Variants in LSP1 observed in about 807,000 individuals in gnomAD.
LSP1 encodes lymphocyte-specific protein 1.
A neutral mutation model predicts 49.3 loss-of-function variants in LSP1; 32 were observed. The ratio of observed to expected loss-of-function variants is 0.65; its 90% CI spans 0.49 to 0.87. LSP1 has a LOEUF of 0.87. LSP1 is among the 40% of genes least tolerant of loss of function. The pLI, the probability that LSP1 is intolerant of heterozygous loss-of-function variation, is 0.00. For synonymous variants in LSP1, 179 were observed against 178.8 expected (o/e 1.00, Z -0.01); for missense variants, 428 against 442.6 (o/e 0.97, Z 0.30).
At chr11:1,856,526 C>T (rs933770032) in intron 1 of LSP1, among the ~76,000 whole-genome samples, 7 of 152,360 alleles carry the variant, frequency 4.6e-5, no homozygotes, top group South Asian at 2.1e-4. Flanking sequence ...CCTGGAGCCC[C>T]GCCTGGCCCA....
In LSP1 at chr11:1,883,460, T is replaced by A. The variant is rs1340203839; in HGVS notation, c.398T>A (p.Val133Asp). 4 of 1,614,052 alleles carry A rather than the reference T, an allele frequency of 2.5e-6. No individual in the cohort carries two copies. The highest frequency in any genetic ancestry group is 4.5e-5 in the East Asian group (2 of 44,886). The change falls in exon 4 of 11, where the codon GTC (valine) becomes GAC (aspartate). Residue 133 changes from valine (V) to aspartate (D), a missense_variant. By Grantham distance (152) the Val-to-Asp change is radical. Transcript: ENST00000311604. ...TACGAAAAGGAGGACAGTGATGAAGTCCACCTGGAGGAGTTGAGTCTGAGC... is the reference window on the plus strand; with the variant it reads ...TACGAAAAGGAGGACAGTGATGAAGACCACCTGGAGGAGTTGAGTCTGAGC... ...HAYEKEDSDEVHLEELSLSKE... is the reference protein window; with the variant it reads ...HAYEKEDSDEDHLEELSLSKE...
chr11:1,875,879 C>T (rs985619897), intron 1 of LSP1, among the ~76,000 whole-genome samples: 3 of 152,328 alleles, frequency 2.0e-5, no homozygotes, highest in African/African-American at 4.8e-5. Flanking sequence ...CTCCCAGCTG[C>T]GTCCCCAGCT....
chr11:1,876,834 G>A (rs1240839770), intron 1 of LSP1, among the ~76,000 whole-genome samples: 1 of 152,154 alleles, frequency 6.6e-6, no homozygotes, highest in South Asian at 2.1e-4. Context: ...CACTCCGAAC[G>A]AGGCATCCGT....
In LSP1 at chr11:1,884,009, G is replaced by A. The variant is rs781389105; in HGVS notation, c.576G>A (p.Leu192=). The A allele has an allele frequency of 3.1e-6, 5 of 1,612,066 alleles. No homozygotes were observed. In the South Asian group the frequency reaches 5.5e-5, roughly 18 times the overall value. ...EGTIEQSSPP[L]SPTTKLIDRT... ...CCATCGAACAGAGCTCGCCTCCCCT[G>A]AGCCCTACCACCAAAGTAAGTTAAG... The change falls in exon 5 of 11, where the codon CTG becomes CTA. Residue 192 remains leucine (L), a synonymous_variant. Coordinates refer to ENST00000311604, the MANE Select transcript of LSP1 (RefSeq NM_002339.3). This position sits in a 1 kb window ranked among gnomAD's most constrained non-coding sequence, Gnocchi z 4.1.
chr11:1,858,681 G>A (rs1167459004), intron 1 of LSP1, among the ~76,000 whole-genome samples: 2 of 152,230 alleles, frequency 1.3e-5, no homozygotes, highest in Non-Finnish European at 2.9e-5. Flanking sequence ...CAGCCCAGCA[G>A]GGCCCCTTCC....
rs1448500435 is a variant in LSP1, at chr11:1,881,570, G to A, written c.330G>A (p.Arg110=). 2.0e-6 allele frequency: 3 copies of A among 1,526,580 alleles called. No homozygotes were observed. The highest frequency in any genetic ancestry group is 2.6e-6 in the Non-Finnish European group (3 of 1,134,192). The allele number at this position is 1,526,580 out of a possible 1,614,324, so 94.6% of individuals were successfully genotyped here. A position where few individuals can be genotyped will look rare whatever the true frequency, so the allele number is the denominator to read the frequency against. The part of the protein sequence containing the change: ...ALDSGEPPQC[R]SPEGEQEDRP... ...ACAGCGGAGAGCCCCCCCAGTGCAG[G>A]AGTCCTGAGGGGGAGCAAGAGGACA... is the stretch of plus-strand genomic sequence containing the variant. Residue 110 remains arginine, a synonymous_variant, in exon 3 of 11, where the codon AGG becomes AGA. Transcript: ENST00000311604.
At chr11:1,881,875 G>T (rs562198148) in intron 3 of LSP1, among the ~76,000 whole-genome samples, 2 of 152,154 alleles carry the variant, frequency 1.3e-5, no homozygotes, top group Non-Finnish European at 1.5e-5. Flanking sequence ...CCGGCGAGGG[G>T]CCGCGAGGAA....
At chr11:1,878,445 T>C (rs1848401282) in intron 1 of LSP1, among the ~76,000 whole-genome samples, 1 of 152,040 alleles carries the variant, frequency 6.6e-6, no homozygotes, top group Non-Finnish European at 1.5e-5. Context: ...TTGAAGGCAC[T>C]TCTGAGGAGC....
chr11:1,877,014 C>T (rs1444461528), intron 1 of LSP1, among the ~76,000 whole-genome samples: 1 of 152,196 alleles, frequency 6.6e-6, no homozygotes, highest in East Asian at 1.9e-4. Flanking sequence ...CACAGGAAAT[C>T]GCCTAATTGC....
intron 1 of LSP1, among the ~76,000 whole-genome samples, chr11:1,854,087 G>C (rs1847428314): frequency 6.6e-6 from 1 of 152,186 alleles, no homozygotes; most frequent in South Asian, 2.1e-4. Flanking sequence ...AGGGCTCAGG[G>C]CGTGCGGTGC....
intron 10 of LSP1, chr11:1,889,822 G>A: frequency 1.6e-6 from 1 of 635,388 alleles, no homozygotes; most frequent in Non-Finnish European, 2.9e-6. Flanking sequence ...ACTGAGGCCT[G>A]GAAGCCGGGT....
intron 1 of LSP1, chr11:1,866,395 G>A: frequency 7.8e-7 from 1 of 1,276,714 alleles, no homozygotes; most frequent in Non-Finnish European, 1.1e-6. Flanking sequence ...TGAGCTAAGT[G>A]GGGTCTGAGG....
rs371099100 is a variant in LSP1 at position 1,853,774 on chromosome 11, T to C, written c.53+577T>C. On this transcript the variant is annotated intron_variant, in intron 1 of 10. Coordinates refer to ENST00000311604, the MANE Select transcript of LSP1 (RefSeq NM_002339.3). ...CAAGGATTCTGGCAGGTGCCTGTGC[T>C]GGGTGCCAGGCACCGTGTGTTGGTT... 4.2e-4 allele frequency among the ~76,000 whole-genome samples: 64 copies of C among 152,278 alleles called. 1 individual carries two copies. The East Asian group carries it at 0.01, about 24-fold the overall frequency.
intron 1 of LSP1, among the ~76,000 whole-genome samples, chr11:1,876,813 T>C (rs1023866992): frequency 1.3e-5 from 2 of 152,068 alleles, no homozygotes; most frequent in Non-Finnish European, 2.9e-5. Context: ...AGACCTGAGC[T>C]TGGGGAGCTC....
intron 10 of LSP1, chr11:1,889,604 G>A (rs1260407649): frequency 6.5e-6 from 4 of 616,592 alleles, no homozygotes; most frequent in Admixed American, 2.9e-5. Context: ...TGGGGACAGG[G>A]CATGGGTGAG....
chr11:1,858,766 A>G (rs1847551298), intron 1 of LSP1, among the ~76,000 whole-genome samples: 1 of 152,122 alleles, frequency 6.6e-6, no homozygotes, highest in South Asian at 2.1e-4. Flanking sequence ...AAGAGGTTGG[A>G]GGGGCTGCAT....
intron 1 of LSP1, among the ~76,000 whole-genome samples, chr11:1,878,350 G>A (rs1197666534): frequency 6.6e-6 from 1 of 152,248 alleles, no homozygotes; most frequent in Non-Finnish European, 1.5e-5. Context: ...TGCGGAGGCC[G>A]GCAGAAGCGG....
Position 1,884,681 on chromosome 11 carries a change from C to T in LSP1, c.717+100C>T. 1.1e-6 allele frequency: 1 copy of T among 939,804 alleles called. No homozygotes were observed. Among genetic ancestry groups the T allele is most frequent in the South Asian group, 1.5e-5 (1 of 68,834 alleles). 58.2% of individuals were successfully genotyped at this position (939,804 alleles called of 1,614,324 possible). A position where few individuals can be genotyped will look rare whatever the true frequency, so the allele number is the denominator to read the frequency against. On this transcript the variant is annotated intron_variant, in intron 7 of 10. Coordinates refer to ENST00000311604, the MANE Select transcript of LSP1 (RefSeq NM_002339.3). The surrounding 1 kb of genome is among the most constrained non-coding windows in gnomAD (Gnocchi z 4.1). ...TCCATCCAATCAGTGCCGCCTTATT[C>T]AACCAACACCCTATCCAACCAATGC... is the stretch of plus-strand genomic sequence containing the variant.
chr11:1,884,257 G>A lies in LSP1; in HGVS notation c.592-23G>A, dbSNP rs1357646763. ...GCTTTACCTCGGCTGCTGCAGGCCT[G>A]TGTCTCTCTCCACCCTCTGCAGCTC... On this transcript the variant is annotated intron_variant, in intron 5 of 10. Transcript: ENST00000311604. This position sits in a 1 kb window ranked among gnomAD's most constrained non-coding sequence, Gnocchi z 4.1. 1.2e-6 allele frequency: 2 copies of A among 1,613,908 alleles called. No homozygotes were observed. Among genetic ancestry groups the A allele is most frequent in the Admixed American group, 3.3e-5 (2 of 60,016 alleles).
Sources: allele counts gnomAD v4.1 joint callset (sites outside exome capture counted in the v4.1 genomes callset), GRCh38; gene constraint gnomAD v4.1.1; non-coding constraint Gnocchi (gnomAD v3.1); transcripts MANE v1.5; gene names NCBI Gene and HGNC (gene_info 2026-07-23, HGNC 2026-07-21).